Variants in CCNY observed in about 807,000 individuals in gnomAD.
CCNY encodes the protein cyclin-Y.
Under a neutral mutation model 42.8 loss-of-function variants are expected in CCNY, and 19 were observed. That is an observed-to-expected ratio of 0.44 (90% CI 0.31 to 0.65). CCNY has a LOEUF of 0.65. CCNY is among the 30% of genes least tolerant of loss of function. CCNY has a pLI of 0.07. For missense variants in CCNY, 370 were observed against 437.3 expected (o/e 0.85, Z 1.37); for synonymous variants, 165 against 162.7 (o/e 1.01, Z -0.11).
intron 3 of CCNY, among the ~76,000 whole-genome samples, chr10:35,261,618 T>C (rs1057409135): frequency 2.0e-5 from 3 of 152,114 alleles, no homozygotes; most frequent in African/African-American, 7.2e-5. Flanking sequence ...AGCAGGAGGA[T>C]TGCTTGATCC....
At chr10:35,472,511 G>T (rs1839410315) in intron 1 of CCNY, among the ~76,000 whole-genome samples, 1 of 152,098 alleles carries the variant, frequency 6.6e-6, no homozygotes, top group Non-Finnish European at 1.5e-5. Context: ...GTAGGGCTGG[G>T]ACTTGATCTC....
At chr10:35,480,781 A>G (rs1252002131) in intron 1 of CCNY, among the ~76,000 whole-genome samples, 1 of 152,172 alleles carries the variant, frequency 6.6e-6, no homozygotes, top group Non-Finnish European at 1.5e-5. Context: ...AGCCTGGGCA[A>G]CACAGTAAGA....
rs1835242683 is a variant in CCNY, at chr10:35,276,723, C to T, written c.-9+26097C>T. 2.6e-5 allele frequency among the ~76,000 whole-genome samples: 4 copies of T among 152,202 alleles called. No individual in the cohort carries two copies. The South Asian group carries it at 6.2e-4, about 24-fold the overall frequency. Reference sequence around the variant, plus strand: ...GTGAACAGTATCCCCTTTCATCAGCCCTGGCCTGCAGGGAACAGTCACTAT... The same window carrying T: ...GTGAACAGTATCCCCTTTCATCAGCTCTGGCCTGCAGGGAACAGTCACTAT... On this transcript the variant is annotated intron_variant, in intron 3 of 11. Coordinates refer to the CCNY transcript ENST00000374706.
At chr10:35,414,265 GC>G in intron 1 of CCNY, among the ~76,000 whole-genome samples, 1 of 152,198 alleles carries the variant, frequency 6.6e-6, no homozygotes, top group Admixed American at 6.5e-5. Flanking sequence ...CTGAAGACTT[GC>G]CTGGGGAGGA....
chr10:35,548,472 A>AT (rs574147759), intron 7 of CCNY, among the ~76,000 whole-genome samples: 252 of 151,846 alleles, frequency 1.7e-3, no homozygotes, highest in South Asian at 6.0e-3. Context: ...TAATTTTTGT[A>AT]TTTTTAGTAG....
chr10:35,567,561 G>A (rs1483905627), intron 9 of CCNY, among the ~76,000 whole-genome samples: 2 of 152,156 alleles, frequency 1.3e-5, no homozygotes, highest in African/African-American at 2.4e-5. Flanking sequence ...TGAGGTCTTC[G>A]TGCTGCCCAC....
chr10:35,370,841 G>C (rs1240099492), intron 1 of CCNY, among the ~76,000 whole-genome samples: 1 of 150,900 alleles, frequency 6.6e-6, no homozygotes, highest in Admixed American at 6.6e-5. Context: ...TCAGCCTCCC[G>C]AGTAGCTGAG....
chr10:35,367,547 TA>T (rs776561650), intron 1 of CCNY, among the ~76,000 whole-genome samples: 41 of 152,212 alleles, frequency 2.7e-4, no homozygotes, highest in Non-Finnish European at 4.6e-4. Flanking sequence ...TTTTATAGAA[TA>T]AAACAGACAC....
At chr10:35,563,876 T>TG (rs1242370382) in intron 8 of CCNY, among the ~76,000 whole-genome samples, 2 of 126,748 alleles carry the variant, frequency 1.6e-5, no homozygotes, top group East Asian at 4.6e-4. Flanking sequence ...GCCTGACTAA[T>TG]TTTTTTTTTT....
chr10:35,454,223 A>G (rs980324906), intron 1 of CCNY, among the ~76,000 whole-genome samples: 4 of 152,234 alleles, frequency 2.6e-5, no homozygotes, highest in African/African-American at 7.2e-5. Context: ...AAGCTCGGAC[A>G]CAGTCACTTC....
rs565317544 is a variant in CCNY at position 35,530,901 on chromosome 10, G to A, written c.579+658G>A. On this transcript the variant is annotated intron_variant, in intron 7 of 9. Transcript: ENST00000374704. This position sits in a 1 kb window ranked among gnomAD's most constrained non-coding sequence, Gnocchi z 4.3. ...AGTCTGGACAACATAGTGAAACCCCGACTCTACAAAATTTAAAAGTCAGCT... is the reference window on the plus strand; with the variant it reads ...AGTCTGGACAACATAGTGAAACCCCAACTCTACAAAATTTAAAAGTCAGCT... Among the ~76,000 whole-genome samples, 26 of 152,086 alleles carry A rather than the reference G, an allele frequency of 1.7e-4. No individual in the cohort carries two copies. The highest frequency in any genetic ancestry group is 6.5e-4 in the Admixed American group (10 of 15,290).
chr10:35,499,625 A>G (rs1840071099), intron 2 of CCNY, among the ~76,000 whole-genome samples: 1 of 152,230 alleles, frequency 6.6e-6, no homozygotes, highest in Non-Finnish European at 1.5e-5. Context: ...AGGCATGGAT[A>G]TCTTTCATTT....
At chr10:35,267,083 C>CA (rs34140857) in intron 3 of CCNY, among the ~76,000 whole-genome samples, 3,084 of 106,572 alleles carry the variant, frequency 0.029, 89 homozygotes, top group African/African-American at 0.076. Flanking sequence ...ACTTCTGTCT[C>CA]AAAAAAAAAA....
chr10:35,543,362 A>G (rs1217436914), intron 7 of CCNY, among the ~76,000 whole-genome samples: 2 of 152,202 alleles, frequency 1.3e-5, no homozygotes, highest in Non-Finnish European at 2.9e-5. Context: ...GTCATACAGG[A>G]CACAGTTGAT....
rs185315722 is a variant in CCNY at position 35,492,998 on chromosome 10, G to C, written c.230-8503G>C. 8.3e-3 allele frequency among the ~76,000 whole-genome samples: 1,260 copies of C among 152,062 alleles called. 14 individuals carry two copies. The highest frequency in any genetic ancestry group is 0.027 in the African/African-American group (1,124 of 41,384). On this transcript the variant is annotated intron_variant, in intron 2 of 9. Coordinates refer to ENST00000374704, the MANE Select transcript of CCNY (RefSeq NM_145012.6). ...CAGTCTTCTCTTGAGGTGCATGGGGGGGGGAGGGCAGGTATCAGGTTTCTT... is the reference window on the plus strand; with the variant it reads ...CAGTCTTCTCTTGAGGTGCATGGGGCGGGGAGGGCAGGTATCAGGTTTCTT...
intron 4 of CCNY, among the ~76,000 whole-genome samples, chr10:35,523,686 C>G (rs936666401): frequency 1.3e-5 from 2 of 152,120 alleles, no homozygotes; most frequent in Non-Finnish European, 2.9e-5. Flanking sequence ...GCCAGAGGAC[C>G]TCTTACTAGG....
intron 1 of CCNY, among the ~76,000 whole-genome samples, chr10:35,443,298 A>G (rs1708941860): frequency 6.6e-6 from 1 of 152,228 alleles, no homozygotes; most frequent in African/African-American, 2.4e-5. Flanking sequence ...TTTTTACTTT[A>G]TAAACTTTAA....
chr10:35,533,651 A>G lies in CCNY; in HGVS notation c.579+3408A>G, dbSNP rs763513420. 9.5e-4 allele frequency among the ~76,000 whole-genome samples: 143 copies of G among 151,108 alleles called. 1 individual carries two copies. Among genetic ancestry groups the G allele is most frequent in the Non-Finnish European group, 1.1e-3 (77 of 67,730 alleles). On this transcript the variant is annotated intron_variant, in intron 7 of 9. Transcript: ENST00000374704. ...CCTGGCCACCATATCTGAAGTTGCA[A>G]CCTCCCTCCTGCACCGCACTCCCTG...
intron 7 of CCNY, among the ~76,000 whole-genome samples, chr10:35,541,549 C>A (rs1181389755): frequency 6.6e-6 from 1 of 152,110 alleles, no homozygotes; most frequent in Non-Finnish European, 1.5e-5. Flanking sequence ...AGCTGTGCAC[C>A]TTCATACTTG....
Sources: allele counts gnomAD v4.1 joint callset (sites outside exome capture counted in the v4.1 genomes callset), GRCh38; gene constraint gnomAD v4.1.1; non-coding constraint Gnocchi (gnomAD v3.1); transcripts MANE v1.5; gene names NCBI Gene and HGNC (gene_info 2026-07-23, HGNC 2026-07-21).